Variants in DUSP15 observed in about 807,000 individuals in gnomAD.
DUSP15 encodes the protein dual specificity protein phosphatase 15.
In DUSP15, 23 loss-of-function variants were observed where a neutral mutation model predicts 26.3. The ratio of observed to expected loss-of-function variants is 0.87; its 90% CI spans 0.63 to 1.24. The LOEUF is 1.24. Among genes scored for constraint, DUSP15 ranks in the 50% most tolerant of loss-of-function variants. DUSP15 has a pLI of 0.00. For missense variants in DUSP15, 364 were observed against 320.6 expected (o/e 1.14, Z -1.03); for synonymous variants, 143 against 135.5 (o/e 1.06, Z -0.39).
At position 31,862,620 on chromosome 20, in the gene DUSP15, G is replaced by T; in HGVS notation, c.386C>A (p.Pro129Gln). The T allele has an allele frequency of 6.2e-7, 1 of 1,614,094 alleles. No homozygotes were observed. Among genetic ancestry groups the T allele is most frequent in the Non-Finnish European group, 8.5e-7 (1 of 1,179,970 alleles). The change falls in exon 6 of 7, where the codon CCA becomes CAA. Residue 129 changes from proline to glutamine, a missense_variant. Pro to Gln is a moderately conservative substitution (Grantham distance 76). Coordinates refer to ENST00000339738, the MANE Select transcript of DUSP15 (RefSeq NM_080611.5). ...CTCTTCAAGCTGCTGCCTAAAGCCT[G>T]GGTTGGGGTTGGCGATGGGCCTGGT... Reference protein sequence around the residue: ...KATRPIANPNPGFRQQLEEFG... With the variant: ...KATRPIANPNQGFRQQLEEFG...
chr20:31,870,346 G>T lies in DUSP15; in HGVS notation c.-9C>A. 1 of 1,277,092 alleles carries T rather than the reference G, an allele frequency of 7.8e-7. No individual in the cohort carries two copies. The highest frequency in any genetic ancestry group is 3.5e-5 in the South Asian group (1 of 28,904). 79.1% of individuals were successfully genotyped at this position (1,277,092 alleles called of 1,614,324 possible). ...GTCATGCCATTGCCCATGATCCCGG[G>T]GGCGGCGGTCCGGGTGCACCCCCAG... On this transcript the variant is annotated 5_prime_UTR_variant, in exon 1 of 7. Transcript: ENST00000339738. This position sits in a 1 kb window ranked among gnomAD's most constrained non-coding sequence, Gnocchi z 6.6.
exon 10 of DUSP15, chr20:31,848,025 A>G (rs1206234599): frequency 5.5e-6 from 1 of 181,942 alleles, no homozygotes; most frequent in Non-Finnish European, 1.1e-5. Context: ...ACACTAAACA[A>G]CCCTGATGAT....
rs1356233586 is a variant in DUSP15 at position 31,870,024 on chromosome 20, A to T, written c.21+293T>A. On this transcript the variant is annotated intron_variant, in intron 1 of 6. Coordinates refer to ENST00000339738, the MANE Select transcript of DUSP15 (RefSeq NM_080611.5). This position sits in a 1 kb window ranked among gnomAD's most constrained non-coding sequence, Gnocchi z 6.6. ...AGTCAGCGACAAGGGAGAGGGACAC[A>T]TGCAGACGGAGAGCAGGACTCACTG... 7.6e-7 allele frequency: 1 copy of T among 1,323,060 alleles called. No homozygotes were observed. Among genetic ancestry groups the T allele is most frequent in the Non-Finnish European group, 9.6e-7 (1 of 1,038,218 alleles). The allele number at this position is 1,323,060 out of a possible 1,614,324, so 82.0% of individuals were successfully genotyped here. A position where few individuals can be genotyped will look rare whatever the true frequency, so the allele number is the denominator to read the frequency against.
chr20:31,858,540 G>A (rs1568672370), downstream of DUSP15, among the ~76,000 whole-genome samples: 1 of 152,214 alleles, frequency 6.6e-6, no homozygotes, highest in African/African-American at 2.4e-5. This position sits in a 1 kb window ranked among gnomAD's most constrained non-coding sequence, Gnocchi z 4.4. Context: ...TAGCAGCCTA[G>A]CCTGGAGGGC....
chr20:31,869,462 C>T, intron 2 of DUSP15, 102 bp downstream of exon 2: 1 of 1,497,658 alleles, frequency 6.7e-7, no homozygotes, highest in Non-Finnish European at 9.1e-7. Context: ...TTCCCTGCCC[C>T]CAACCCCATT....
At chr20:31,854,846 C>G (rs538812631) in intron 6 of DUSP15, among the ~76,000 whole-genome samples, 2 of 152,126 alleles carry the variant, frequency 1.3e-5, no homozygotes, top group Non-Finnish European at 2.9e-5. Context: ...ACTAAGGAAC[C>G]ATTGCTCCTA....
chr20:31,869,960 C>G (rs2062884130), intron 1 of DUSP15: 1 of 1,351,344 alleles, frequency 7.4e-7, no homozygotes, highest in Non-Finnish European at 9.5e-7. Flanking sequence ...CAGGCAGAGG[C>G]GGGACAGGAT....
At chr20:31,868,393 A>G (rs938209487) in intron 2 of DUSP15, among the ~76,000 whole-genome samples, 1 of 151,910 alleles carries the variant, frequency 6.6e-6, no homozygotes, top group African/African-American at 2.4e-5. Flanking sequence ...GACTCTGCAG[A>G]TGGAAATGAT....
chr20:31,850,555 C>T lies in DUSP15; in HGVS notation c.491+57G>A, dbSNP rs549651568. Reference sequence around the variant, plus strand: ...AGAGAGAGGTGGGCTGGCCCCACCCCGCGGCCGTCCCCAGTTCAGCACACT... The same window carrying T: ...AGAGAGAGGTGGGCTGGCCCCACCCTGCGGCCGTCCCCAGTTCAGCACACT... On this transcript the variant is annotated intron_variant, in intron 7 of 9. Coordinates refer to the DUSP15 transcript ENST00000278979. 8,375 of 1,550,494 alleles carry T rather than the reference C, an allele frequency of 5.4e-3. 30 individuals are homozygous for T. The highest frequency in any genetic ancestry group is 6.4e-3 in the Non-Finnish European group (7,360 of 1,141,416).
intron 8 of DUSP15, chr20:31,848,920 A>G: frequency 6.2e-7 from 1 of 1,603,492 alleles, no homozygotes; most frequent in South Asian, 1.1e-5. Flanking sequence ...GTGGGCACAC[A>G]ATTATACGAC....
intron 3 of DUSP15, among the ~76,000 whole-genome samples, chr20:31,866,407 A>G (rs921580670): frequency 2.6e-5 from 4 of 152,186 alleles, no homozygotes; most frequent in Non-Finnish European, 4.4e-5. Context: ...AGATCAGGCA[A>G]CTGAGGCTCA....
At chr20:31,845,673 G>C (rs2062370913), downstream of DUSP15, 5 of 1,135,160 alleles carry the variant, frequency 4.4e-6, no homozygotes, top group East Asian at 5.1e-5. Context: ...AAGGCAAAAA[G>C]GGGTGGGTCT....
downstream of DUSP15, among the ~76,000 whole-genome samples, chr20:31,860,035 G>T (rs1030962381): frequency 6.6e-5 from 10 of 152,142 alleles, no homozygotes; most frequent in Admixed American, 1.3e-4. Flanking sequence ...ATAACCAAAC[G>T]GTCCACTCCC....
intron 8 of DUSP15, chr20:31,848,973 G>C: frequency 7.8e-7 from 1 of 1,282,622 alleles, no homozygotes; most frequent in Non-Finnish European, 1.1e-6. Context: ...CAACCCACTG[G>C]TGCCCATCTT....
chr20:31,861,417 T>G lies in DUSP15; in HGVS notation c.694A>C (p.Lys232Gln), dbSNP rs1427038047. The change falls in exon 7 of 7, where the codon AAG (lysine) becomes CAG (glutamine). Residue 232 changes from lysine (K) to glutamine (Q), a missense_variant. Lys to Gln is a moderately conservative substitution (Grantham distance 53). Coordinates refer to ENST00000339738, the MANE Select transcript of DUSP15 (RefSeq NM_080611.5). ...FSCLPRCLSR[K>Q]GGK ...GGACTGCATCCTCACTTGCCGCCCT[T>G]GCGGGACAGACACCGGGGGAGGCAA... is the stretch of plus-strand genomic sequence containing the variant. 7 of 1,554,484 alleles carry G rather than the reference T, an allele frequency of 4.5e-6. No individual in the cohort carries two copies. Among genetic ancestry groups the G allele is most frequent in the Non-Finnish European group, 6.0e-6 (7 of 1,160,018 alleles).
chr20:31,861,230 C>A lies in DUSP15; in HGVS notation c.*173G>T. On this transcript the variant is annotated 3_prime_UTR_variant, in exon 7 of 7. Transcript: ENST00000339738. ...AGGCCGGCCCGGACACAGAGACGCA[C>A]AGGTTGGGGACGCTGACTGCAGACG... is the stretch of plus-strand genomic sequence containing the variant. 7.4e-7 allele frequency: 1 copy of A among 1,355,496 alleles called. No homozygotes were observed. The highest frequency in any genetic ancestry group is 1.8e-5 in the South Asian group (1 of 55,578). The allele number at this position is 1,355,496 out of a possible 1,614,324, so 84.0% of individuals were successfully genotyped here.
chr20:31,864,106 C>T lies in DUSP15; in HGVS notation c.189-125G>A, dbSNP rs8116934. On this transcript the variant is annotated intron_variant, in intron 4 of 6. Coordinates refer to ENST00000339738, the MANE Select transcript of DUSP15 (RefSeq NM_080611.5). ...CCTGGGGTCCCCAGGTCAGCCAGCA[C>T]ATGCAGTGAATATGGGCCAGTACTT... 1,753 of 1,517,120 alleles carry T rather than the reference C, an allele frequency of 1.2e-3. 17 individuals carry two copies. In the African/African-American group the frequency reaches 0.022, roughly 19 times the overall value. 94.0% of individuals were successfully genotyped at this position (1,517,120 alleles called of 1,614,324 possible).
chr20:31,860,272 C>T (rs920164734), downstream of DUSP15, among the ~76,000 whole-genome samples: 7 of 152,194 alleles, frequency 4.6e-5, no homozygotes, highest in African/African-American at 1.7e-4. Flanking sequence ...GGTGCCTCCC[C>T]GACAGCCCTG....
chr20:31,864,025 C>T (rs1038078058), intron 4 of DUSP15, 44 bp from the exon 5 acceptor site: 1 of 1,610,658 alleles, frequency 6.2e-7, no homozygotes, highest in African/African-American at 1.3e-5. Flanking sequence ...CAGGGCAGAC[C>T]TCTCAGGAGT....
Sources: allele counts gnomAD v4.1 joint callset (sites outside exome capture counted in the v4.1 genomes callset), GRCh38; gene constraint gnomAD v4.1.1; non-coding constraint Gnocchi (gnomAD v3.1); transcripts MANE v1.5; gene names NCBI Gene and HGNC (gene_info 2026-07-23, HGNC 2026-07-21).